MICU1: variants seen among roughly 807,000 people sequenced by gnomAD.
The protein encoded by MICU1 is calcium uptake protein 1, mitochondrial.
In MICU1, 45 loss-of-function variants were observed where a neutral mutation model predicts 56.8. The ratio of observed to expected loss-of-function variants is 0.79; its 90% confidence interval spans 0.62 to 1.02. The LOEUF is 1.02. Among genes scored for constraint, MICU1 ranks in the 50% least tolerant of loss-of-function variants. The pLI is 0.00. For synonymous variants in MICU1, 186 were observed against 195.1 expected (o/e 0.95, Z 0.39); for missense variants, 504 against 587.1 (o/e 0.86, Z 1.46).
intron 1 of MICU1, among the ~76,000 whole-genome samples, chr10:72,576,284 AAAAGCC>A (rs1840743648): frequency 6.6e-6 from 1 of 151,622 alleles, no homozygotes; most frequent in African/African-American, 2.4e-5. Flanking sequence ...AAGGCATGTC[AAAAGCC>A]AAAGGCCAAG....
chr10:72,410,022 C>T (rs1178240607), intron 9 of MICU1, among the ~76,000 whole-genome samples: 1 of 152,070 alleles, frequency 6.6e-6, no homozygotes, highest in Non-Finnish European at 1.5e-5. Context: ...CATTTCCTTG[C>T]TTTTTTTAAA....
intron 10 of MICU1, among the ~76,000 whole-genome samples, chr10:72,377,675 A>T (rs1395174462): frequency 1.3e-5 from 2 of 152,160 alleles, no homozygotes; most frequent in Non-Finnish European, 2.9e-5. Context: ...TTCTGGACAC[A>T]TTCTTAAGTG....
At position 72,436,714 on chromosome 10, in the gene MICU1, T is replaced by C. The variant is rs180783955; in HGVS notation, c.934-13343A>G. On this transcript the variant is annotated intron_variant, in intron 8 of 11. Transcript: ENST00000361114. ...TAGAATAAACAGTGCAGAGAAGACC[T>C]TAAATGAACTGATGGAGCTGAAAAC... Among the ~76,000 whole-genome samples the C allele has an allele frequency of 2.0e-5, 3 of 152,264 alleles. No homozygotes were observed. The East Asian group carries it at 5.8e-4, about 29-fold the overall frequency.
intron 1 of MICU1, among the ~76,000 whole-genome samples, chr10:72,613,501 T>G (rs1452710804): frequency 4.0e-5 from 6 of 151,868 alleles, no homozygotes; most frequent in African/African-American, 1.2e-4. Flanking sequence ...GGTCTCCAAC[T>G]CCTGGCCTCA....
At chr10:72,432,755 C>T (rs1864582166) in intron 8 of MICU1, among the ~76,000 whole-genome samples, 1 of 152,212 alleles carries the variant, frequency 6.6e-6, no homozygotes, top group Non-Finnish European at 1.5e-5. Flanking sequence ...GAGGGATCCA[C>T]TCCCACGACC....
At chr10:72,424,101 C>G (rs1005121618) in intron 8 of MICU1, among the ~76,000 whole-genome samples, 1 of 145,002 alleles carries the variant, frequency 6.9e-6, no homozygotes, top group Non-Finnish European at 1.6e-5. Flanking sequence ...CAACCTATAA[C>G]AGTGACCATT....
At chr10:72,605,639 T>G (rs1308786420) in intron 1 of MICU1, among the ~76,000 whole-genome samples, 2 of 152,174 alleles carry the variant, frequency 1.3e-5, no homozygotes, top group African/African-American at 2.4e-5. Context: ...ATTTAAATTA[T>G]TTACCTAACA....
intron 9 of MICU1, among the ~76,000 whole-genome samples, chr10:72,420,146 G>A (rs1261907513): frequency 6.6e-6 from 1 of 151,988 alleles, no homozygotes; most frequent in Non-Finnish European, 1.5e-5. Context: ...CGCAACCTCT[G>A]CCTCCTGGGT....
At position 72,448,190 on chromosome 10, in the gene MICU1, TA is replaced by T. The variant is rs1346739395; in HGVS notation, c.934-24820del. On this transcript the variant is annotated intron_variant, in intron 8 of 11. Transcript: ENST00000361114. The stretch of plus-strand genomic sequence containing the variant: ...ATGTGTGTGTATATATATATATATA[TA>T]TATTTTTTTTTTTTTTTTTTTTTTT... 2.5e-3 allele frequency among the ~76,000 whole-genome samples: 182 copies of T among 72,014 alleles called. 1 individual carries two copies. The highest frequency in any genetic ancestry group is 4.5e-3 in the African/African-American group (93 of 20,672). 47.2% of individuals were successfully genotyped at this position (72,014 alleles called of 152,430 possible).
chr10:72,460,575 G>C (rs973082235), intron 8 of MICU1, among the ~76,000 whole-genome samples: 6 of 152,278 alleles, frequency 3.9e-5, no homozygotes, highest in African/African-American at 1.4e-4. Context: ...AATGAATTTA[G>C]AGGATAATAA....
chr10:72,485,465 TATTATATATATAACCAGG>T (rs1263046967), intron 6 of MICU1, among the ~76,000 whole-genome samples: 2 of 151,936 alleles, frequency 1.3e-5, no homozygotes, highest in African/African-American at 4.8e-5. Flanking sequence ...ATTAACCTGT[TATTATATATATAACCAGG>T]ATTATATATA....
intron 7 of MICU1, among the ~76,000 whole-genome samples, chr10:72,476,044 T>C (rs992596393): frequency 1.3e-5 from 2 of 151,784 alleles, no homozygotes; most frequent in African/African-American, 2.4e-5. Flanking sequence ...CTGGCCAAGA[T>C]GGTGAAACCC....
At chr10:72,588,504 A>G (rs1841129765) in intron 1 of MICU1, among the ~76,000 whole-genome samples, 1 of 152,244 alleles carries the variant, frequency 6.6e-6, no homozygotes. Context: ...AATAGGAACA[A>G]TGCAAGTATG....
chr10:72,422,277 A>C (rs1424185244), intron 9 of MICU1, among the ~76,000 whole-genome samples: 1 of 152,252 alleles, frequency 6.6e-6, no homozygotes. Flanking sequence ...AGCTACCTGC[A>C]AGGCAGGAGG....
At position 72,470,413 on chromosome 10, in the gene MICU1, C is replaced by G. The variant is rs988513321; in HGVS notation, c.933+4687G>C. On this transcript the variant is annotated intron_variant, in intron 8 of 11. Transcript: ENST00000361114. ...CACAGATTGGATAATTGATAAAGAA[C>G]AGAAGTTTATTTGGCTCATGGTTTT... Among the ~76,000 whole-genome samples the G allele has an allele frequency of 1.3e-4, 20 of 152,136 alleles. 2 individuals carry two copies. Among genetic ancestry groups the G allele is most frequent in the Admixed American group, 1.2e-3 (19 of 15,264 alleles).
chr10:72,559,169 C>T (rs1840230674), intron 3 of MICU1, among the ~76,000 whole-genome samples: 1 of 151,966 alleles, frequency 6.6e-6, no homozygotes, highest in African/African-American at 2.4e-5. Flanking sequence ...GCCTATGTGA[C>T]AGAGCAAGAC....
chr10:72,486,929 G>A (rs950650178), intron 6 of MICU1, among the ~76,000 whole-genome samples: 3 of 152,166 alleles, frequency 2.0e-5, no homozygotes, highest in East Asian at 1.9e-4. Context: ...CTAATTTGAA[G>A]CACTAAGAAG....
At chr10:72,607,532 G>C (rs1224748427) in intron 1 of MICU1, among the ~76,000 whole-genome samples, 1 of 150,840 alleles carries the variant, frequency 6.6e-6, no homozygotes, top group African/African-American at 2.4e-5. Flanking sequence ...AGCTCCTCAG[G>C]AGGCTGAGGC....
chr10:72,396,450 A>T (rs1271625099), intron 10 of MICU1, among the ~76,000 whole-genome samples: 2 of 152,240 alleles, frequency 1.3e-5, no homozygotes, highest in East Asian at 3.8e-4. Flanking sequence ...ATGAGTTGAC[A>T]GAAGTAGGCT....
Sources: gnomAD v4.1 joint callset for allele counts (sites outside exome capture counted in the v4.1 genomes callset) on GRCh38, gnomAD v4.1.1 for gene constraint, MANE v1.5 for transcripts, NCBI Gene and HGNC (gene_info 2026-07-23, HGNC 2026-07-21) for gene names.